ASAP2: variants seen among roughly 807,000 people sequenced by gnomAD.
ASAP2 encodes ArfGAP with SH3 domain, ankyrin repeat and PH domain 2, also known as arf-GAP with SH3 domain, ANK repeat and PH domain-containing protein 2.
In ASAP2, 45 loss-of-function variants were observed where a neutral mutation model predicts 131.4. That is an observed-to-expected ratio of 0.34 (90% CI 0.27 to 0.44). The LOEUF is 0.44. ASAP2 is among the 20% of genes least tolerant of loss of function. The pLI is 1.00. For missense variants in ASAP2, 1,011 were observed against 1,297.0 expected (o/e 0.78, Z 3.39); for synonymous variants, 510 against 503.0 (o/e 1.01, Z -0.19).
chr2:9,399,336 C>T (rs1463269768), intron 24 of ASAP2: 1 of 152,402 alleles, frequency 6.6e-6, no homozygotes, highest in Admixed American at 6.5e-5. Context: ...AAGCCACTGG[C>T]ACTGGTCCTT....
intron 1 of ASAP2, among the ~76,000 whole-genome samples, chr2:9,271,075 G>C (rs968985448): frequency 6.6e-6 from 1 of 151,216 alleles, no homozygotes; most frequent in Non-Finnish European, 1.5e-5. Context: ...TTACAGGCGT[G>C]AGCCACCGCG....
intron 2 of ASAP2, among the ~76,000 whole-genome samples, chr2:9,285,892 T>TA: frequency 6.6e-6 from 1 of 152,326 alleles, no homozygotes; most frequent in Middle Eastern, 3.4e-3. Flanking sequence ...CTCAAATCCT[T>TA]ACCATCTCCC....
rs1052303363 is a variant in ASAP2 at position 9,404,530 on chromosome 2, G to A, written c.*1203G>A. 6.6e-6 allele frequency: 1 copy of A among 152,300 alleles called. No individual in the cohort carries two copies. Among genetic ancestry groups the A allele is most frequent in the South Asian group, 2.1e-4 (1 of 4,834 alleles). The allele number at this position is 152,300 out of a possible 1,614,324, so 9.4% of individuals were successfully genotyped here. ...TGTCATACCTCTATTTAGTAATTGC[G>A]AGGGTAAGATTCATAGTAGGAATAT... is the stretch of plus-strand genomic sequence containing the variant. On this transcript the variant is annotated 3_prime_UTR_variant, in exon 28 of 28. Coordinates refer to ENST00000281419, the MANE Select transcript of ASAP2 (RefSeq NM_003887.3).
intron 2 of ASAP2, among the ~76,000 whole-genome samples, chr2:9,292,073 T>G (rs1667850641): frequency 6.6e-6 from 1 of 152,124 alleles, no homozygotes; most frequent in South Asian, 2.1e-4. Flanking sequence ...GAGCAAGTCA[T>G]CACCCTCTCT....
chr2:9,276,697 G>A (rs570220666), intron 1 of ASAP2, among the ~76,000 whole-genome samples: 1 of 151,962 alleles, frequency 6.6e-6, no homozygotes, highest in South Asian at 2.1e-4. Context: ...CCACCAACAC[G>A]CCCGGCTAAT....
chr2:9,402,024 G>A (rs935461219), intron 27 of ASAP2, among the ~76,000 whole-genome samples: 2 of 152,220 alleles, frequency 1.3e-5, no homozygotes, highest in Non-Finnish European at 2.9e-5. Context: ...CGGCTTGAAT[G>A]GGGCGTGGAC....
At chr2:9,313,065 TA>T (rs200615640) in intron 3 of ASAP2, among the ~76,000 whole-genome samples, 14 of 147,496 alleles carry the variant, frequency 9.5e-5, no homozygotes, top group African/African-American at 2.0e-4. Flanking sequence ...TCTTAAAAAA[TA>T]AAAAAAAAAG....
At chr2:9,233,968 G>A (rs770562238) in intron 1 of ASAP2, among the ~76,000 whole-genome samples, 2 of 152,050 alleles carry the variant, frequency 1.3e-5, no homozygotes, top group African/African-American at 2.4e-5. Flanking sequence ...AAAATTAGCT[G>A]GTCGTGGTGA....
intron 3 of ASAP2, among the ~76,000 whole-genome samples, chr2:9,300,219 G>A (rs1236976036): frequency 1.3e-5 from 2 of 152,256 alleles, no homozygotes; most frequent in Non-Finnish European, 2.9e-5. Context: ...GCGACAGAGA[G>A]TGAGACCCTG....
At chr2:9,295,416 T>TG (rs1668092652) in intron 2 of ASAP2, among the ~76,000 whole-genome samples, 1 of 152,280 alleles carries the variant, frequency 6.6e-6, no homozygotes, top group Non-Finnish European at 1.5e-5. Flanking sequence ...TTGCTGCTGT[T>TG]ACTTTTGTTA....
At chr2:9,219,388 C>T (rs917301026) in intron 1 of ASAP2, among the ~76,000 whole-genome samples, 1 of 152,140 alleles carries the variant, frequency 6.6e-6, no homozygotes, top group Non-Finnish European at 1.5e-5. Context: ...TTATTGTGAC[C>T]TTGAGCCAGT....
intron 1 of ASAP2, among the ~76,000 whole-genome samples, chr2:9,241,308 T>C (rs1396193255): frequency 7.9e-5 from 12 of 152,246 alleles, no homozygotes; most frequent in Non-Finnish European, 1.2e-4. Flanking sequence ...ATGTAGAACA[T>C]TAATTCTTTG....
At chr2:9,398,602 G>A (rs1025087595) in intron 24 of ASAP2, among the ~76,000 whole-genome samples, 1 of 152,128 alleles carries the variant, frequency 6.6e-6, no homozygotes, top group East Asian at 1.9e-4. Context: ...GAGGTCAGGA[G>A]TTTGAGACCA....
In ASAP2 at chr2:9,309,426, C is replaced by T. The variant is rs144104687; in HGVS notation, c.346-9098C>T. Among the ~76,000 whole-genome samples, 5 of 152,234 alleles carry T rather than the reference C, an allele frequency of 3.3e-5. No individual in the cohort carries two copies. In the East Asian group the frequency reaches 7.7e-4, roughly 24 times the overall value. The stretch of plus-strand genomic sequence containing the variant: ...ATTCCAGATACCGTATATAAAATTC[C>T]GGAAAGTGCAGTGTTCTCTGGCAAA... On this transcript the variant is annotated intron_variant, in intron 3 of 27. Transcript: ENST00000281419.
Position 9,207,015 on chromosome 2 carries a change from G to T in ASAP2, c.-90G>T. 1 of 1,104,930 alleles carries T rather than the reference G, an allele frequency of 9.1e-7. No homozygotes were observed. The highest frequency in any genetic ancestry group is 4.0e-5 in the South Asian group (1 of 24,726). 68.4% of individuals were successfully genotyped at this position (1,104,930 alleles called of 1,614,324 possible). A position where few individuals can be genotyped will look rare whatever the true frequency, so the allele number is the denominator to read the frequency against. ...CGCGGGCCGGAGCGGCGGCGGCAGCGGCGGTGTCCGAGCGGCGGTCGGAGC... is the reference window on the plus strand; with the variant it reads ...CGCGGGCCGGAGCGGCGGCGGCAGCTGCGGTGTCCGAGCGGCGGTCGGAGC... On this transcript the variant is annotated 5_prime_UTR_variant, in exon 1 of 28. Coordinates refer to ENST00000281419, the MANE Select transcript of ASAP2 (RefSeq NM_003887.3). This position sits in a 1 kb window ranked among gnomAD's most constrained non-coding sequence, Gnocchi z 4.1.
At chr2:9,253,431 TAG>T (rs1475806504) in intron 1 of ASAP2, among the ~76,000 whole-genome samples, 2 of 151,532 alleles carry the variant, frequency 1.3e-5, no homozygotes, top group African/African-American at 4.9e-5. Flanking sequence ...CCCAAAGTGC[TAG>T]GATTACAGGC....
chr2:9,369,017 CT>C (rs113720607), intron 16 of ASAP2, among the ~76,000 whole-genome samples: 12,060 of 144,922 alleles, frequency 0.083, 1,253 homozygotes, highest in African/African-American at 0.25. Flanking sequence ...GACGGAGAAG[CT>C]TTTTTTTTTT....
chr2:9,208,056 G>A (rs898059825), intron 1 of ASAP2, among the ~76,000 whole-genome samples: 3 of 152,208 alleles, frequency 2.0e-5, no homozygotes, highest in Admixed American at 2.0e-4. Context: ...AAGGGGCAGA[G>A]TCTGTGAGTC....
intron 15 of ASAP2, among the ~76,000 whole-genome samples, chr2:9,361,094 T>C (rs1193911232): frequency 6.6e-6 from 1 of 152,216 alleles, no homozygotes; most frequent in Non-Finnish European, 1.5e-5. Context: ...TCCCAGAGCC[T>C]CCATCTGCAT....
Sources: allele counts gnomAD v4.1 joint callset (sites outside exome capture counted in the v4.1 genomes callset), GRCh38; gene constraint gnomAD v4.1.1; non-coding constraint Gnocchi (gnomAD v3.1); transcripts MANE v1.5; gene names NCBI Gene and HGNC (gene_info 2026-07-23, HGNC 2026-07-21).